UBQLN2: variants seen among roughly 807,000 people sequenced by gnomAD.
UBQLN2 encodes ubiquilin 2, also known as ubiquilin-2.
A neutral mutation model predicts 22.2 loss-of-function variants in UBQLN2; 2 were observed. That is an observed-to-expected ratio of 0.09 (90% CI 0.04 to 0.28). The LOEUF is 0.28. Among genes scored for constraint, UBQLN2 ranks in the 10% least tolerant of loss-of-function variants. The pLI is 1.00. For synonymous variants in UBQLN2, 252 were observed against 206.7 expected, an observed-to-expected ratio of 1.22 and a Z score of -1.88; for missense variants, 446 against 505.1, an observed-to-expected ratio of 0.88 and a Z score of 1.12.
chrX:56,563,829 C>G lies in UBQLN2; in HGVS notation c.-45C>G. 9.7e-7 allele frequency: 1 copy of G among 1,026,224 alleles called. No homozygotes were observed. 84.6% of individuals were successfully genotyped at this position (1,026,224 alleles called of 1,213,427 possible). A position where few individuals can be genotyped will look rare whatever the true frequency, so the allele number is the denominator to read the frequency against. On this transcript the variant is annotated 5_prime_UTR_variant, in exon 1 of 1. Coordinates refer to ENST00000338222, the MANE Select transcript of UBQLN2 (RefSeq NM_013444.4). ...CCTCCTTCCCTCGCGCTCTCTCTTT[C>G]GCCCGCCCGCGCCTTCCCTGCCCGC...
In UBQLN2 at chrX:56,563,836, C is replaced by G. The variant is rs2068627770; in HGVS notation, c.-38C>G. 5 of 1,072,241 alleles carry G rather than the reference C, an allele frequency of 4.7e-6. No individual in the cohort carries two copies. The South Asian group carries it at 6.7e-5, about 14-fold the overall frequency. 88.4% of individuals were successfully genotyped at this position (1,072,241 alleles called of 1,213,427 possible). ...CCCTCGCGCTCTCTCTTTCGCCCGC[C>G]CGCGCCTTCCCTGCCCGCCTGCGTC... is the stretch of plus-strand genomic sequence containing the variant. On this transcript the variant is annotated 5_prime_UTR_variant, in exon 1 of 1. Transcript: ENST00000338222.
Position 56,565,015 on chromosome X carries a change from A to G in UBQLN2, c.1142A>G (p.Gln381Arg). 5 of 1,211,931 alleles carry G rather than the reference A, an allele frequency of 4.1e-6. No individual in the cohort carries two copies. Among genetic ancestry groups the G allele is most frequent in the Non-Finnish European group, 5.6e-6 (5 of 895,524 alleles). Residue 381 changes from glutamine to arginine, a missense_variant, in exon 1 of 1, where the codon CAG (glutamine) becomes CGG (arginine). This residue lies in a region of UBQLN2 where 278 missense variants were observed against 279.4 expected (regional missense o/e 1.00). Transcript: ENST00000338222. The stretch of plus-strand genomic sequence containing the variant: ...CTGCAACAGATAACTGAAAACCCCC[A>G]GCTGATTCAGAATATGCTGTCGGCG... ...SLLQQITENPQLIQNMLSAPY... is the reference protein window; with the variant it reads ...SLLQQITENPRLIQNMLSAPY...
chrX:56,565,164 C>G lies in UBQLN2; in HGVS notation c.1291C>G (p.Pro431Ala), dbSNP rs1258738734. 21 of 1,210,462 alleles carry G rather than the reference C, an allele frequency of 1.7e-5. No individual in the cohort carries two copies. The highest frequency in any genetic ancestry group is 2.3e-5 in the Non-Finnish European group (21 of 895,188). Residue 431 changes from proline (P) to alanine (A), a missense_variant, in exon 1 of 1, where the codon CCA (proline) becomes GCA (alanine). By Grantham distance (27) the Pro-to-Ala change is conservative. This residue lies in a region of UBQLN2 where 278 missense variants were observed against 279.4 expected (regional missense o/e 1.00). Coordinates refer to ENST00000338222, the MANE Select transcript of UBQLN2 (RefSeq NM_013444.4). Reference protein sequence around the residue: ...QLQEQMRPQLPAFLQQMQNPD... With the variant: ...QLQEQMRPQLAAFLQQMQNPD... ...GCAGGAGCAGATGCGGCCACAGCTC[C>G]CAGCCTTCCTGCAGCAGATGCAGAA...
At position 56,564,489 on chromosome X, in the gene UBQLN2, A is replaced by T; in HGVS notation, c.616A>T (p.Met206Leu). The T allele has an allele frequency of 8.3e-7, 1 of 1,211,877 alleles. No homozygotes were observed. Residue 206 changes from methionine (M) to leucine (L), a missense_variant, in exon 1 of 1, where the codon ATG becomes TTG. Met to Leu is a conservative substitution (Grantham distance 15). Transcript: ENST00000338222. The part of the protein sequence containing the change: ...SNPDLMRQLI[M>L]ANPQMQQLIQ... ...TCCCGATCTGATGAGGCAGCTCATT[A>T]TGGCTAATCCACAGATGCAGCAATT...
In UBQLN2 at chrX:56,563,794, C is replaced by A. The variant is rs1416164563; in HGVS notation, c.-80C>A. On this transcript the variant is annotated 5_prime_UTR_variant, in exon 1 of 1. Transcript: ENST00000338222. Reference sequence around the variant, plus strand: ...CCGGCCCAGCCCGCTGCGGCGGTGCCTCCTTCCTTCCTCCTTCCCTCGCGC... The same window carrying A: ...CCGGCCCAGCCCGCTGCGGCGGTGCATCCTTCCTTCCTCCTTCCCTCGCGC... 3 of 812,428 alleles carry A rather than the reference C, an allele frequency of 3.7e-6. No individual in the cohort carries two copies. The highest frequency in any genetic ancestry group is 5.2e-6 in the Non-Finnish European group (3 of 573,248). The allele number at this position is 812,428 out of a possible 1,213,427, so 67.0% of individuals were successfully genotyped here.
rs1430754389 is a variant in UBQLN2, at chrX:56,566,680, A to G, written c.*932A>G. On this transcript the variant is annotated 3_prime_UTR_variant, in exon 1 of 1. Transcript: ENST00000338222. ...CTGTATATGACCTTAATCTTTGTGC[A>G]GCCTGAAGGATCAGTGTAGTAATGC... 8.1e-6 allele frequency: 1 copy of G among 123,470 alleles called. No homozygotes were observed. Among genetic ancestry groups the G allele is most frequent in the Non-Finnish European group, 1.9e-5 (1 of 53,273 alleles). 10.2% of individuals were successfully genotyped at this position (123,470 alleles called of 1,213,427 possible). A position where few individuals can be genotyped will look rare whatever the true frequency, so the allele number is the denominator to read the frequency against.
At position 56,565,600 on chromosome X, in the gene UBQLN2, C is replaced by A. The variant is rs1569254665; in HGVS notation, c.1727C>A (p.Pro576Gln). 1 of 1,211,965 alleles carries A rather than the reference C, an allele frequency of 8.3e-7. No homozygotes were observed. The highest frequency in any genetic ancestry group is 1.1e-6 in the Non-Finnish European group (1 of 895,565). Residue 576 changes from proline (P) to glutamine (Q), a missense_variant, in exon 1 of 1, where the codon CCG becomes CAG. Pro to Gln is a moderately conservative substitution (Grantham distance 76). Coordinates refer to ENST00000338222, the MANE Select transcript of UBQLN2 (RefSeq NM_013444.4). ...ALAGANAPQL[P>Q]NPEVRFQQQL... ...GCTGGAGCAAATGCTCCACAGCTGC[C>A]GAATCCAGAAGTCAGATTTCAGCAA... is the stretch of plus-strand genomic sequence containing the variant.
In UBQLN2 at chrX:56,564,664, G is replaced by A; in HGVS notation, c.791G>A (p.Gly264Asp). The change falls in exon 1 of 1, where the codon GGC becomes GAC. Residue 264 changes from glycine to aspartate, a missense_variant. Physicochemically the swap from Gly to Asp is moderately conservative, Grantham distance 94. Coordinates refer to ENST00000338222, the MANE Select transcript of UBQLN2 (RefSeq NM_013444.4). ...AGCAATCTAGAAAGCATCCCAGGTGGCTATAATGCTTTACGGCGCATGTAC... is the reference window on the plus strand; with the variant it reads ...AGCAATCTAGAAAGCATCCCAGGTGACTATAATGCTTTACGGCGCATGTAC... ...ALSNLESIPG[G>D]YNALRRMYTD... 2 of 1,210,076 alleles carry A rather than the reference G, an allele frequency of 1.7e-6. No homozygotes were observed. The highest frequency in any genetic ancestry group is 2.2e-6 in the Non-Finnish European group (2 of 894,313).
chrX:56,563,838 G>C lies in UBQLN2; in HGVS notation c.-36G>C. On this transcript the variant is annotated 5_prime_UTR_variant, in exon 1 of 1. Transcript: ENST00000338222. ...CTCGCGCTCTCTCTTTCGCCCGCCCGCGCCTTCCCTGCCCGCCTGCGTCAC... is the reference window on the plus strand; with the variant it reads ...CTCGCGCTCTCTCTTTCGCCCGCCCCCGCCTTCCCTGCCCGCCTGCGTCAC... The C allele has an allele frequency of 1.8e-6, 2 of 1,083,619 alleles. No individual in the cohort carries two copies. The highest frequency in any genetic ancestry group is 2.5e-6 in the Non-Finnish European group (2 of 814,429). The allele number at this position is 1,083,619 out of a possible 1,213,427, so 89.3% of individuals were successfully genotyped here.
At position 56,565,041 on chromosome X, in the gene UBQLN2, C is replaced by T. The variant is rs777978237; in HGVS notation, c.1168C>T (p.Pro390Ser). ...PQLIQNMLSA[P>S]YMRSMMQSLS... The stretch of plus-strand genomic sequence containing the variant: ...GCTGATTCAGAATATGCTGTCGGCG[C>T]CCTACATGAGAAGCATGATGCAGTC... The change falls in exon 1 of 1, where the codon CCC (proline) becomes TCC (serine). Residue 390 changes from proline to serine, a missense_variant. By Grantham distance (74) the Pro-to-Ser change is moderately conservative. This residue lies in a region of UBQLN2 where 278 missense variants were observed against 279.4 expected (regional missense o/e 1.00). Coordinates refer to ENST00000338222, the MANE Select transcript of UBQLN2 (RefSeq NM_013444.4). 10 of 1,210,366 alleles carry T rather than the reference C, an allele frequency of 8.3e-6. No individual in the cohort carries two copies.
chrX:56,564,684 A>G lies in UBQLN2; in HGVS notation c.811A>G (p.Met271Val). 2 of 1,211,447 alleles carry G rather than the reference A, an allele frequency of 1.7e-6. No individual in the cohort carries two copies. Among genetic ancestry groups the G allele is most frequent in the Non-Finnish European group, 2.2e-6 (2 of 895,243 alleles). ...IPGGYNALRRMYTDIQEPMLN... is the reference protein window; with the variant it reads ...IPGGYNALRRVYTDIQEPMLN... The stretch of plus-strand genomic sequence containing the variant: ...AGGTGGCTATAATGCTTTACGGCGC[A>G]TGTACACTGACATTCAAGAGCCGAT... Residue 271 changes from methionine to valine, a missense_variant, in exon 1 of 1, where the codon ATG becomes GTG. This residue lies in a region of UBQLN2 where 129 missense variants were observed against 198.1 expected (regional missense o/e 0.65). Coordinates refer to ENST00000338222, the MANE Select transcript of UBQLN2 (RefSeq NM_013444.4).
Position 56,564,683 on chromosome X carries a change from C to T in UBQLN2, c.810C>T (p.Arg270=). 8.3e-7 allele frequency: 1 copy of T among 1,211,192 alleles called. No individual in the cohort carries two copies. Among genetic ancestry groups the T allele is most frequent in the Non-Finnish European group, 1.1e-6 (1 of 895,118 alleles). ...CAGGTGGCTATAATGCTTTACGGCG[C>T]ATGTACACTGACATTCAAGAGCCGA... ...SIPGGYNALR[R]MYTDIQEPML... Residue 270 remains arginine, a synonymous_variant, in exon 1 of 1, where the codon CGC becomes CGT. Coordinates refer to ENST00000338222, the MANE Select transcript of UBQLN2 (RefSeq NM_013444.4).
In UBQLN2 at chrX:56,563,852, C is replaced by G; in HGVS notation, c.-22C>G. On this transcript the variant is annotated 5_prime_UTR_variant, in exon 1 of 1. Coordinates refer to ENST00000338222, the MANE Select transcript of UBQLN2 (RefSeq NM_013444.4). The stretch of plus-strand genomic sequence containing the variant: ...TTCGCCCGCCCGCGCCTTCCCTGCC[C>G]GCCTGCGTCACCGCGGCCGCCATGG... 1.8e-6 allele frequency: 2 copies of G among 1,128,881 alleles called. No individual in the cohort carries two copies. Among genetic ancestry groups the G allele is most frequent in the Non-Finnish European group, 2.3e-6 (2 of 851,746 alleles). 93.0% of individuals were successfully genotyped at this position (1,128,881 alleles called of 1,213,427 possible). A position where few individuals can be genotyped will look rare whatever the true frequency, so the allele number is the denominator to read the frequency against.
chrX:56,563,630 AGGC>A lies in UBQLN2; in HGVS notation c.-235_-233del. On this transcript the variant is annotated 5_prime_UTR_variant, in exon 1 of 1. Transcript: ENST00000338222. ...TGGGAGTGCGCGCGGTCGGATCACA[AGGC>A]GGCGGCGGAGGAGGCCCAGAGACCG... The A allele has an allele frequency of 3.0e-6, 1 of 334,494 alleles. No individual in the cohort carries two copies. Among genetic ancestry groups the A allele is most frequent in the East Asian group, 4.6e-5 (1 of 21,533 alleles). The allele number at this position is 334,494 out of a possible 1,213,427, so 27.6% of individuals were successfully genotyped here.
chrX:56,565,751 A>G lies in UBQLN2; in HGVS notation c.*3A>G, dbSNP rs754899525. 5.0e-6 allele frequency: 6 copies of G among 1,196,208 alleles called. No individual in the cohort carries two copies. Among genetic ancestry groups the G allele is most frequent in the Non-Finnish European group, 6.8e-6 (6 of 884,875 alleles). Reference sequence around the variant, plus strand: ...TGCTGGGCTCCCAGCCATCGTAATCACATTTCTGTACCTGGAAAAAAAATG... The same window carrying G: ...TGCTGGGCTCCCAGCCATCGTAATCGCATTTCTGTACCTGGAAAAAAAATG... On this transcript the variant is annotated 3_prime_UTR_variant, in exon 1 of 1. Transcript: ENST00000338222.
Position 56,564,359 on chromosome X carries a change from C to T in UBQLN2, c.486C>T (p.Thr162=). 8.3e-7 allele frequency: 1 copy of T among 1,211,792 alleles called. No individual in the cohort carries two copies. Among genetic ancestry groups the T allele is most frequent in the Non-Finnish European group, 1.1e-6 (1 of 895,489 alleles). ...TTAGCAGCCTGGGCTTGAGCTCGAC[C>T]AACTTCTCTGAGCTCCAGAGCCAGA... The part of the protein sequence containing the change: ...AGLSSLGLSS[T]NFSELQSQMQ... Residue 162 remains threonine, a synonymous_variant, in exon 1 of 1, where the codon ACC becomes ACT. Transcript: ENST00000338222.
At position 56,564,223 on chromosome X, in the gene UBQLN2, A is replaced by G. The variant is rs2068629916; in HGVS notation, c.350A>G (p.Asn117Ser). ...RPQGQSTQPSNAAGTNTTSAS... is the reference protein window; with the variant it reads ...RPQGQSTQPSSAAGTNTTSAS... Reference sequence around the variant, plus strand: ...CAGGGCCAGTCCACGCAGCCTAGCAATGCCGCGGGAACTAACACTACCTCG... The same window carrying G: ...CAGGGCCAGTCCACGCAGCCTAGCAGTGCCGCGGGAACTAACACTACCTCG... The change falls in exon 1 of 1, where the codon AAT becomes AGT. Residue 117 changes from asparagine to serine, a missense_variant. By Grantham distance (46) the Asn-to-Ser change is conservative (BLOSUM62 1). Around this residue, in one of 3 missense-constraint regions of UBQLN2, gnomAD observed 129 missense variants for 198.1 expected, o/e 0.65. Coordinates refer to ENST00000338222, the MANE Select transcript of UBQLN2 (RefSeq NM_013444.4). 8.3e-6 allele frequency: 10 copies of G among 1,211,396 alleles called. No individual in the cohort carries two copies. The highest frequency in any genetic ancestry group is 1.0e-5 in the Non-Finnish European group (9 of 895,323).
rs2068634492 is a variant in UBQLN2 at position 56,565,089 on chromosome X, G to A, written c.1216G>A (p.Ala406Thr). Residue 406 changes from alanine (A) to threonine (T), a missense_variant, in exon 1 of 1, where the codon GCT (alanine) becomes ACT (threonine). This residue lies in a region of UBQLN2 where 278 missense variants were observed against 279.4 expected (regional missense o/e 1.00). Transcript: ENST00000338222. ...MQSLSQNPDL[A>T]AQMMLNSPLF... Reference sequence around the variant, plus strand: ...GTCGCTGAGCCAGAATCCAGATTTGGCTGCACAGATGATGCTGAATAGCCC... The same window carrying A: ...GTCGCTGAGCCAGAATCCAGATTTGACTGCACAGATGATGCTGAATAGCCC... The A allele has an allele frequency of 8.3e-7, 1 of 1,211,910 alleles. No homozygotes were observed.
Position 56,563,898 on chromosome X carries a change from G to C in UBQLN2, c.25G>C (p.Gly9Arg). The change falls in exon 1 of 1, where the codon GGC becomes CGC. Residue 9 changes from glycine (G) to arginine (R), a missense_variant. Physicochemically the swap from Gly to Arg is moderately radical, Grantham distance 125. Around this residue, in one of 3 missense-constraint regions of UBQLN2, gnomAD observed 39 missense variants for 27.6 expected, o/e 1.41. Transcript: ENST00000338222. MAENGESSGPPRPSRGPAA... is the reference protein window; with the variant it reads MAENGESSRPPRPSRGPAA... ...CATGGCTGAGAATGGCGAGAGCAGCGGCCCCCCGCGCCCCTCCCGCGGCCC... is the reference window on the plus strand; with the variant it reads ...CATGGCTGAGAATGGCGAGAGCAGCCGCCCCCCGCGCCCCTCCCGCGGCCC... The C allele has an allele frequency of 1.7e-6, 2 of 1,151,280 alleles. No individual in the cohort carries two copies. The allele number at this position is 1,151,280 out of a possible 1,213,427, so 94.9% of individuals were successfully genotyped here.
Sources: gnomAD v4.1 joint callset for allele counts on GRCh38, gnomAD v4.1.1 for gene constraint, gnomAD v4.1.1 regional missense constraint, MANE v1.5 for transcripts, NCBI Gene and HGNC (gene_info 2026-07-23, HGNC 2026-07-21) for gene names.